Variants in CHD2 observed in about 807,000 individuals in gnomAD.
The protein encoded by CHD2 is chromodomain helicase DNA binding protein 2.
A neutral mutation model predicts 243.9 loss-of-function variants in CHD2; 28 were observed. The ratio of observed to expected loss-of-function variants is 0.11; its 90% confidence interval spans 0.09 to 0.16. The LOEUF (loss-of-function observed/expected upper bound fraction) is 0.16. Among genes scored for constraint, CHD2 ranks in the 10% least tolerant of loss-of-function variants. The probability of loss-of-function intolerance (pLI) is 1.00; values close to 1 mark genes in which losing one functional copy is unlikely to be tolerated. For missense variants in CHD2, 1,386 were observed against 2,209.8 expected (o/e 0.63, Z 7.47); for synonymous variants, 775 against 779.0 (o/e 0.99, Z 0.09).
chr15:92,900,649 C>A lies in CHD2; in HGVS notation c.-247C>A, dbSNP rs1456263935. On this transcript the variant is annotated 5_prime_UTR_variant, in exon 1 of 39. Transcript: ENST00000394196. ...CTAATGAGGTTTTTTTTCTTTCGGA[C>A]CTGTTTTAGTATTAATTATTGCTTT... 2.5e-6 allele frequency: 1 copy of A among 398,286 alleles called. No homozygotes were observed. The highest frequency in any genetic ancestry group is 3.6e-5 in the East Asian group (1 of 28,068). 24.7% of individuals were successfully genotyped at this position (398,286 alleles called of 1,614,324 possible).
At chr15:92,959,218 G>A (rs2042619999) in intron 16 of CHD2, among the ~76,000 whole-genome samples, 1 of 152,188 alleles carries the variant, frequency 6.6e-6, no homozygotes, top group Non-Finnish European at 1.5e-5. Context: ...TCTAGCTTTT[G>A]TATTAAGTCA....
At chr15:92,961,576 T>A (rs1036720346) in intron 16 of CHD2, among the ~76,000 whole-genome samples, 2 of 151,938 alleles carry the variant, frequency 1.3e-5, no homozygotes, top group African/African-American at 4.8e-5. Flanking sequence ...ATTTTTAAAA[T>A]TTATTTTTTG....
At chr15:92,988,646 T>G (rs1171080463) in intron 26 of CHD2, among the ~76,000 whole-genome samples, 1 of 152,206 alleles carries the variant, frequency 6.6e-6, no homozygotes, top group Non-Finnish European at 1.5e-5. Flanking sequence ...AAGGAAAGTC[T>G]TAATTTCTTT....
intron 16 of CHD2, among the ~76,000 whole-genome samples, chr15:92,962,281 A>T (rs1286756839): frequency 6.6e-6 from 1 of 151,974 alleles, no homozygotes. Context: ...TAGATTACTG[A>T]TGTAAAACTT....
rs2053848634 is a variant in CHD2 at position 92,972,066 on chromosome 15, A to G, written c.2352+139A>G. Reference sequence around the variant, plus strand: ...GCTTTAAAAATGGGAGAGAAAAGGTAACTAAGAATGATTTGGAAAGTAAAG... The same window carrying G: ...GCTTTAAAAATGGGAGAGAAAAGGTGACTAAGAATGATTTGGAAAGTAAAG... On this transcript the variant is annotated intron_variant, in intron 18 of 38. Transcript: ENST00000394196. 4 of 1,068,138 alleles carry G rather than the reference A, an allele frequency of 3.7e-6. No homozygotes were observed. The East Asian group carries it at 1.0e-4, about 28-fold the overall frequency. The allele number at this position is 1,068,138 out of a possible 1,614,324, so 66.2% of individuals were successfully genotyped here. A position where few individuals can be genotyped will look rare whatever the true frequency, so the allele number is the denominator to read the frequency against.
At chr15:92,905,010 T>A in intron 2 of CHD2, 1 of 1,533,882 alleles carries the variant, frequency 6.5e-7, no homozygotes. Flanking sequence ...AAAACTCAGG[T>A]CAGTATGTGC....
intron 26 of CHD2, 188 bp from the exon 27 acceptor site, chr15:92,991,288 T>C (rs114906767): frequency 5.2e-4 from 256 of 489,228 alleles, no homozygotes; most frequent in African/African-American, 4.8e-3. Context: ...TTTTTAGCAG[T>C]CATTATTTTA....
At chr15:92,959,513 T>G (rs1596409395) in intron 16 of CHD2, among the ~76,000 whole-genome samples, 1 of 152,154 alleles carries the variant, frequency 6.6e-6, no homozygotes, top group African/African-American at 2.4e-5. Context: ...TTTTTTGAGA[T>G]GGAGCCTTGC....
intron 5 of CHD2, among the ~76,000 whole-genome samples, chr15:92,933,096 C>T (rs2053203933): frequency 6.8e-6 from 1 of 147,604 alleles, no homozygotes; most frequent in South Asian, 2.2e-4. Context: ...TATTGGTGCA[C>T]ATGTGTGGCC....
intron 15 of CHD2, 55 bp from the exon 16 acceptor site, chr15:92,956,404 C>T (rs967317915): frequency 5.3e-6 from 7 of 1,313,790 alleles, no homozygotes; most frequent in Admixed American, 2.1e-5. Context: ...CACTTGAAAG[C>T]ACTTGTGGGT....
chr15:92,904,217 C>T (rs2052573746), intron 2 of CHD2, among the ~76,000 whole-genome samples: 1 of 152,228 alleles, frequency 6.6e-6, no homozygotes, highest in African/African-American at 2.4e-5. Context: ...CTTTGTGCCG[C>T]AGCGCTGACA....
chr15:92,921,069 A>G (rs555666883), intron 2 of CHD2, among the ~76,000 whole-genome samples: 1 of 152,058 alleles, frequency 6.6e-6, no homozygotes, highest in Non-Finnish European at 1.5e-5. Context: ...CAGACTTGAG[A>G]TGTGGCTGCC....
intron 37 of CHD2, 48 bp downstream of exon 37, chr15:93,014,957 A>T: frequency 6.7e-7 from 1 of 1,485,820 alleles, no homozygotes; most frequent in South Asian, 1.1e-5. Context: ...AAGATAAAAA[A>T]TTCACACAGC....
At chr15:92,994,766 T>A (rs2054166100) in intron 28 of CHD2, among the ~76,000 whole-genome samples, 1 of 152,242 alleles carries the variant, frequency 6.6e-6, no homozygotes, top group Non-Finnish European at 1.5e-5. Flanking sequence ...CTTGCTTTTT[T>A]ATCTCATAGT....
At chr15:92,980,791 A>G (rs1231467160) in intron 22 of CHD2, 24 bp from the exon 23 acceptor site, 13 of 1,563,760 alleles carry the variant, frequency 8.3e-6, no homozygotes, top group South Asian at 5.6e-5. Context: ...TGATGTTTCT[A>G]ACAACTACAT....
intron 19 of CHD2, among the ~76,000 whole-genome samples, chr15:92,972,850 C>CA (rs758722546): frequency 0.012 from 86 of 7,182 alleles, 8 homozygotes; most frequent in South Asian, 0.015. Context: ...GACTCCGTCT[C>CA]AAAAAAAAAA....
At chr15:92,949,581 G>C (rs4327000) in intron 13 of CHD2, among the ~76,000 whole-genome samples, 71,797 of 151,954 alleles carry the variant, frequency 0.47, 17,962 homozygotes, top group East Asian at 0.85. Context: ...GGTTGAACCT[G>C]TGAAAGTATC....
intron 38 of CHD2, chr15:93,021,021 G>C (rs1047298125): frequency 7.2e-5 from 11 of 152,238 alleles, no homozygotes; most frequent in African/African-American, 2.7e-4. Context: ...GACCCAGTGG[G>C]CATCTTGCCC....
chr15:93,016,566 A>G (rs1041068608), intron 37 of CHD2, among the ~76,000 whole-genome samples: 1 of 152,166 alleles, frequency 6.6e-6, no homozygotes, highest in Non-Finnish European at 1.5e-5. Flanking sequence ...AATACATACA[A>G]TTTTTAATTG....
Sources: gnomAD v4.1 joint callset for allele counts (sites outside exome capture counted in the v4.1 genomes callset) on GRCh38, gnomAD v4.1.1 for gene constraint, MANE v1.5 for transcripts, NCBI Gene and HGNC (gene_info 2026-07-23, HGNC 2026-07-21) for gene names.